Variants in CNTN5 observed in about 807,000 individuals in gnomAD.
CNTN5 encodes the protein contactin-5.
CNTN5 carries 77 observed loss-of-function variants against 129.1 expected under a neutral mutation model. The ratio of observed to expected loss-of-function variants is 0.60; its 90% CI spans 0.50 to 0.72. CNTN5 has a LOEUF of 0.72. CNTN5 is among the 30% of genes least tolerant of loss of function. The pLI, the probability that CNTN5 is intolerant of heterozygous loss-of-function variation, is 0.00. For synonymous variants in CNTN5, 509 were observed against 465.6 expected (o/e 1.09, Z -1.20); for missense variants, 1,478 against 1,328.8 (o/e 1.11, Z -1.75).
At chr11:99,580,304 G>T (rs1383566675) in intron 3 of CNTN5, among the ~76,000 whole-genome samples, 2 of 151,976 alleles carry the variant, frequency 1.3e-5, no homozygotes, top group East Asian at 1.9e-4. Flanking sequence ...TTTTTGTTGT[G>T]TCTCTGCTCG....
chr11:99,702,294 A>T (rs1954556369), intron 3 of CNTN5, among the ~76,000 whole-genome samples: 1 of 150,964 alleles, frequency 6.6e-6, no homozygotes, highest in African/African-American at 2.4e-5. Flanking sequence ...ATAATGAAAA[A>T]TTTGGACATA....
chr11:100,126,551 T>A (rs945005297), intron 13 of CNTN5, among the ~76,000 whole-genome samples: 11 of 151,932 alleles, frequency 7.2e-5, no homozygotes, highest in African/African-American at 1.7e-4. Context: ...GTCTTTTTTT[T>A]AAAATCGTTA....
intron 1 of CNTN5, among the ~76,000 whole-genome samples, chr11:99,197,921 A>C (rs1384010195): frequency 6.6e-6 from 1 of 152,136 alleles, no homozygotes; most frequent in Non-Finnish European, 1.5e-5. Flanking sequence ...GGTGGTAAAC[A>C]TTAGGTACTT....
intron 1 of CNTN5, among the ~76,000 whole-genome samples, chr11:99,311,844 A>T (rs1011946247): frequency 6.6e-6 from 1 of 152,144 alleles, no homozygotes; most frequent in African/African-American, 2.4e-5. Flanking sequence ...GCCCCAGAAG[A>T]TGATTAAGAA....
At chr11:100,192,608 TCTAA>T (rs1325664431) in intron 14 of CNTN5, among the ~76,000 whole-genome samples, 1 of 151,996 alleles carries the variant, frequency 6.6e-6, no homozygotes, top group Non-Finnish European at 1.5e-5. Flanking sequence ...TGACCAGGAA[TCTAA>T]CTAGGAAAGA....
At chr11:99,796,873 C>T (rs569333794) in intron 3 of CNTN5, among the ~76,000 whole-genome samples, 1 of 152,198 alleles carries the variant, frequency 6.6e-6, no homozygotes, top group African/African-American at 2.4e-5. Context: ...TCCCTGACAA[C>T]TCAAGTGTCT....
intron 1 of CNTN5, among the ~76,000 whole-genome samples, chr11:99,280,458 T>C (rs1050635307): frequency 1.4e-4 from 21 of 151,510 alleles, no homozygotes; most frequent in African/African-American, 4.1e-4. Flanking sequence ...AATAAAGTTA[T>C]GAAACTGAAA....
intron 2 of CNTN5, among the ~76,000 whole-genome samples, chr11:99,477,368 T>C (rs1945413216): frequency 6.6e-6 from 1 of 152,020 alleles, no homozygotes; most frequent in Admixed American, 6.6e-5. Context: ...ATGAATCTAG[T>C]ATTTTCTTCA....
chr11:99,346,152 T>C (rs1283838843), intron 2 of CNTN5, among the ~76,000 whole-genome samples: 1 of 152,190 alleles, frequency 6.6e-6, no homozygotes, highest in Non-Finnish European at 1.5e-5. Context: ...TTATGTCATA[T>C]TGTGTGAATA....
At chr11:99,820,132 C>G (rs1946750084) in intron 4 of CNTN5, among the ~76,000 whole-genome samples, 1 of 128,448 alleles carries the variant, frequency 7.8e-6, no homozygotes, top group South Asian at 2.5e-4. Flanking sequence ...ATGACAAGAG[C>G]CTGTGTTGGT....
intron 6 of CNTN5, among the ~76,000 whole-genome samples, chr11:99,865,403 A>T (rs1317905116): frequency 6.6e-6 from 1 of 151,980 alleles, no homozygotes; most frequent in Admixed American, 6.6e-5. Context: ...AATATTATCT[A>T]TTTTTAAAAT....
chr11:100,026,499 A>G (rs1377265028), intron 9 of CNTN5, among the ~76,000 whole-genome samples: 1 of 152,114 alleles, frequency 6.6e-6, no homozygotes, highest in Non-Finnish European at 1.5e-5. Flanking sequence ...TTGCATTTTC[A>G]CCAGCAATGA....
chr11:99,807,810 A>G (rs560956597), intron 3 of CNTN5, among the ~76,000 whole-genome samples: 5 of 152,182 alleles, frequency 3.3e-5, no homozygotes, highest in Non-Finnish European at 7.3e-5. Context: ...AGATAAATCC[A>G]AGTTTGTTTT....
At chr11:99,956,301 G>C (rs1950800752) in intron 7 of CNTN5, among the ~76,000 whole-genome samples, 1 of 152,022 alleles carries the variant, frequency 6.6e-6, no homozygotes, top group South Asian at 2.1e-4. Context: ...GTTAAACTAA[G>C]TTACAAAATG....
chr11:99,834,992 A>G (rs563093251), intron 4 of CNTN5, among the ~76,000 whole-genome samples: 1 of 152,282 alleles, frequency 6.6e-6, no homozygotes, highest in East Asian at 1.9e-4. Flanking sequence ...CCCTTCTTAT[A>G]TGTCTACCTT....
chr11:100,218,973 T>C (rs892166496), intron 15 of CNTN5, among the ~76,000 whole-genome samples: 1 of 152,152 alleles, frequency 6.6e-6, no homozygotes, highest in African/African-American at 2.4e-5. Flanking sequence ...AAAGAGGATA[T>C]AAAGACCTCA....
chr11:99,619,888 T>C (rs541214922), intron 3 of CNTN5, among the ~76,000 whole-genome samples: 1,647 of 151,714 alleles, frequency 0.011, 35 homozygotes, highest in African/African-American at 0.036. Flanking sequence ...TAGCCGGGCA[T>C]GGTGGCGGGC....
chr11:99,170,993 T>A (rs1012434895), intron 1 of CNTN5, among the ~76,000 whole-genome samples: 4 of 152,158 alleles, frequency 2.6e-5, no homozygotes, highest in African/African-American at 9.7e-5. Context: ...AAATAGAAAG[T>A]CAAGACCTAC....
chr11:99,624,942 T>C (rs1039355002), intron 3 of CNTN5, among the ~76,000 whole-genome samples: 5 of 152,196 alleles, frequency 3.3e-5, no homozygotes, highest in African/African-American at 1.2e-4. Context: ...GCTGACACCA[T>C]GGTGTTTGTT....
Sources: allele counts gnomAD v4.1 joint callset (sites outside exome capture counted in the v4.1 genomes callset), GRCh38; gene constraint gnomAD v4.1.1; transcripts MANE v1.5; gene names NCBI Gene and HGNC (gene_info 2026-07-23, HGNC 2026-07-21).